Variants in MARCHF8 observed in about 807,000 individuals in gnomAD.
The protein encoded by MARCHF8 is membrane associated ring-CH-type finger 8.
In MARCHF8, 40 loss-of-function variants were observed where a neutral mutation model predicts 51.6. That is an observed-to-expected ratio of 0.77 (90% CI 0.60 to 1.01). The LOEUF (loss-of-function observed/expected upper bound fraction) is 1.01, where lower values mean the gene tolerates loss of function less well. MARCHF8 is among the 50% of genes least tolerant of loss of function. MARCHF8 has a pLI of 0.00. For synonymous variants in MARCHF8, 263 were observed against 280.3 expected (o/e 0.94, Z 0.62); for missense variants, 685 against 708.6 (o/e 0.97, Z 0.38).
Position 45,455,432 on chromosome 10 carries a change from CT to C in MARCHF8, c.*2806del, listed in dbSNP as rs768665648. 6.6e-6 allele frequency: 1 copy of C among 152,246 alleles called. No individual in the cohort carries two copies. Among genetic ancestry groups the C allele is most frequent in the Non-Finnish European group, 1.5e-5 (1 of 68,096 alleles). The allele number at this position is 152,246 out of a possible 1,614,324, so 9.4% of individuals were successfully genotyped here. A position where few individuals can be genotyped will look rare whatever the true frequency, so the allele number is the denominator to read the frequency against. On this transcript the variant is annotated 3_prime_UTR_variant, in exon 8 of 8. Transcript: ENST00000453424. ...TGGTGATACCCCAGACCACTTGCCTCTTCCCCTTCCCTGGCCTACAAATACC... is the reference window on the plus strand; with the variant it reads ...TGGTGATACCCCAGACCACTTGCCTCTCCCCTTCCCTGGCCTACAAATACC...
chr10:45,511,113 A>G (rs1363509754), intron 2 of MARCHF8, among the ~76,000 whole-genome samples: 1 of 152,236 alleles, frequency 6.6e-6, no homozygotes, highest in African/African-American at 2.4e-5. Context: ...GAAGAATACA[A>G]TCTTTTCCAA....
intron 2 of MARCHF8, among the ~76,000 whole-genome samples, chr10:45,495,421 C>T (rs1483024063): frequency 6.6e-6 from 1 of 152,028 alleles, no homozygotes; most frequent in Non-Finnish European, 1.5e-5. Flanking sequence ...TATTAAATCT[C>T]TTCTGATCTG....
intron 3 of MARCHF8, among the ~76,000 whole-genome samples, chr10:45,476,393 G>A (rs1342094104): frequency 6.6e-6 from 1 of 152,010 alleles, no homozygotes; most frequent in Non-Finnish European, 1.5e-5. Context: ...GTGAGACCTC[G>A]TCTCTATAAA....
intron 2 of MARCHF8, among the ~76,000 whole-genome samples, chr10:45,502,168 T>C (rs770045064): frequency 2.0e-5 from 3 of 152,176 alleles, no homozygotes; most frequent in Non-Finnish European, 4.4e-5. Flanking sequence ...TAAAAACCTA[T>C]AGGTGTCTAT....
In MARCHF8 at chr10:45,521,159, A is replaced by C. The variant is rs535595762; in HGVS notation, c.102+11951T>G. On this transcript the variant is annotated intron_variant, in intron 2 of 7. Coordinates refer to ENST00000453424, the MANE Select transcript of MARCHF8 (RefSeq NM_001282866.2). ...TTCATTGAAGAACAATTGATGGGGA[A>C]TGAAGTCACTTTTATAAATCTACCT... is the stretch of plus-strand genomic sequence containing the variant. Among the ~76,000 whole-genome samples the C allele has an allele frequency of 3.6e-4, 55 of 152,320 alleles. No homozygotes were observed. The South Asian group carries it at 5.0e-3, about 14-fold the overall frequency.
intron 2 of MARCHF8, 27 bp from the exon 3 acceptor site, chr10:45,489,444 T>C: frequency 6.3e-7 from 1 of 1,580,810 alleles, no homozygotes; most frequent in Non-Finnish European, 8.7e-7. Flanking sequence ...CAGGTTTTAA[T>C]TATCAATCTT....
At chr10:45,586,533 G>A (rs1564525076) in intron 1 of MARCHF8, among the ~76,000 whole-genome samples, 1 of 151,974 alleles carries the variant, frequency 6.6e-6, no homozygotes, top group African/African-American at 2.4e-5. Context: ...GTAAGTGCAT[G>A]TTTAAGTTAA....
Position 45,512,319 on chromosome 10 carries a change from G to A in MARCHF8, c.102+20791C>T, listed in dbSNP as rs1477479314. 3.1e-4 allele frequency among the ~76,000 whole-genome samples: 47 copies of A among 150,732 alleles called. No individual in the cohort carries two copies. The East Asian group carries it at 7.9e-3, about 25-fold the overall frequency. On this transcript the variant is annotated intron_variant, in intron 2 of 7. Coordinates refer to ENST00000453424, the MANE Select transcript of MARCHF8 (RefSeq NM_001282866.2). The stretch of plus-strand genomic sequence containing the variant: ...CGTCTGGGAAGTGAGGAGCGTCTCC[G>A]CCCGGCAGCCACCCCGTCCGGGAGG...
At chr10:45,575,230 G>A (rs145914751) in intron 1 of MARCHF8, among the ~76,000 whole-genome samples, 6 of 152,074 alleles carry the variant, frequency 3.9e-5, no homozygotes, top group Non-Finnish European at 7.4e-5. Flanking sequence ...AGCAGCCAGC[G>A]TTCCAACTTC....
chr10:45,544,388 G>A (rs1444428166), intron 1 of MARCHF8, among the ~76,000 whole-genome samples: 2 of 152,176 alleles, frequency 1.3e-5, no homozygotes, highest in African/African-American at 4.8e-5. Flanking sequence ...CAAGAGATAT[G>A]AAAACATACG....
Position 45,458,448 on chromosome 10 carries a change from C to T in MARCHF8, c.1513G>A (p.Val505Met), listed in dbSNP as rs374826362. The T allele has an allele frequency of 2.5e-6, 4 of 1,614,164 alleles. No individual in the cohort carries two copies. Residue 505 changes from valine to methionine, a missense_variant, in exon 8 of 8, where the codon GTG (valine) becomes ATG (methionine). Coordinates refer to ENST00000453424, the MANE Select transcript of MARCHF8 (RefSeq NM_001282866.2). ...LFMYVQCKVY[V>M]QLWKRLKAYN... The stretch of plus-strand genomic sequence containing the variant: ...GCCTTGAGTCTCTTCCACAATTGCA[C>T]ATACACTTTACACTGAACATACATA...
chr10:45,496,400 T>A (rs1417743648), intron 2 of MARCHF8, among the ~76,000 whole-genome samples: 1 of 152,170 alleles, frequency 6.6e-6, no homozygotes, highest in Non-Finnish European at 1.5e-5. Context: ...TACAAAGTTG[T>A]CATCATTATA....
intron 1 of MARCHF8, among the ~76,000 whole-genome samples, chr10:45,567,661 G>C (rs770260152): frequency 1.3e-5 from 2 of 152,174 alleles, no homozygotes; most frequent in African/African-American, 4.8e-5. Flanking sequence ...TTTCATGCCA[G>C]TACCATGCTG....
intron 2 of MARCHF8, among the ~76,000 whole-genome samples, chr10:45,514,213 G>A (rs933171769): frequency 1.3e-5 from 2 of 152,194 alleles, no homozygotes; most frequent in Non-Finnish European, 2.9e-5. Context: ...TTCTGGCTGG[G>A]AACCTCAAGA....
At chr10:45,509,321 G>A (rs1004360091) in intron 2 of MARCHF8, among the ~76,000 whole-genome samples, 3 of 152,184 alleles carry the variant, frequency 2.0e-5, no homozygotes, top group Non-Finnish European at 4.4e-5. Flanking sequence ...GTATTTTCCA[G>A]ACATATAAGG....
chr10:45,463,176 CG>C lies in MARCHF8; in HGVS notation c.1062del (p.Val355CysfsTer21), dbSNP rs1049946899. The C allele has an allele frequency of 6.5e-7, 1 of 1,550,364 alleles. No individual in the cohort carries two copies. The highest frequency in any genetic ancestry group is 1.4e-5 in the African/African-American group (1 of 73,130). Reference sequence around the variant, plus strand: ...CTGCAGACATCCCCTGACGTGGACACGGGAGATATGGGGGGTAATTTTTCAG... The same window carrying C: ...CTGCAGACATCCCCTGACGTGGACACGGAGATATGGGGGGTAATTTTTCAG... The part of the protein sequence containing the change: ...PFSEKLPPIS[P>X]VSTSGDVCRI... On this transcript the variant is annotated frameshift_variant, in exon 5 of 8. Transcript: ENST00000453424. LOFTEE classifies it high-confidence loss of function.
chr10:45,529,173 ATCT>A (rs1482312055), intron 2 of MARCHF8, among the ~76,000 whole-genome samples: 1 of 152,216 alleles, frequency 6.6e-6, no homozygotes, highest in Non-Finnish European at 1.5e-5. Context: ...CAGGCAAATG[ATCT>A]TCTTCAAAGT....
chr10:45,510,507 CA>C (rs2043478144), intron 2 of MARCHF8, among the ~76,000 whole-genome samples: 1 of 151,958 alleles, frequency 6.6e-6, no homozygotes, highest in Non-Finnish European at 1.5e-5. Context: ...AATTTTAACT[CA>C]GGAAAAAAAC....
At chr10:45,557,116 CTTTTTT>C (rs58172142) in intron 1 of MARCHF8, among the ~76,000 whole-genome samples, 218 of 66,226 alleles carry the variant, frequency 3.3e-3, no homozygotes, top group African/African-American at 0.013. Context: ...GGTGCCTATT[CTTTTTT>C]TTTTTTTTTT....
Sources: gnomAD v4.1 joint callset for allele counts (sites outside exome capture counted in the v4.1 genomes callset) on GRCh38, gnomAD v4.1.1 for gene constraint, MANE v1.5 for transcripts, NCBI Gene and HGNC (gene_info 2026-07-23, HGNC 2026-07-21) for gene names.